The following SENP7 variants were observed in gnomAD, a reference collection of about 807,000 sequenced individuals.
SENP7 encodes SUMO specific peptidase 7.
SENP7 carries 64 observed loss-of-function variants against 141.2 expected under a neutral mutation model. The ratio of observed to expected loss-of-function variants is 0.45; its 90% CI spans 0.37 to 0.56. The LOEUF is 0.56. SENP7 is among the 20% of genes least tolerant of loss of function. The pLI is 0.00. For synonymous variants in SENP7, 382 were observed against 426.4 expected, an observed-to-expected ratio of 0.90 and a Z score of 1.28; for missense variants, 1,025 against 1,212.2, an observed-to-expected ratio of 0.85 and a Z score of 2.29.
intron 4 of SENP7, among the ~76,000 whole-genome samples, chr3:101,433,118 A>T (rs1192272113): frequency 6.6e-6 from 1 of 152,190 alleles, no homozygotes; most frequent in Non-Finnish European, 1.5e-5. Context: ...AAGCAGGGAG[A>T]CAAAGTTAAG....
chr3:101,328,814 C>T, intron 20 of SENP7, 125 bp from the exon 21 acceptor site: 1 of 699,276 alleles, frequency 1.4e-6, no homozygotes. Context: ...TCTTCATCAT[C>T]AAAAGTGAGC....
intron 4 of SENP7, among the ~76,000 whole-genome samples, chr3:101,418,156 T>A (rs770986266): frequency 3.9e-5 from 6 of 152,228 alleles, no homozygotes; most frequent in Non-Finnish European, 8.8e-5. Flanking sequence ...AATGTGTTTT[T>A]GTTTTAGCAT....
chr3:101,395,366 T>G (rs1281203792), intron 6 of SENP7, among the ~76,000 whole-genome samples: 1 of 152,198 alleles, frequency 6.6e-6, no homozygotes, highest in Admixed American at 6.5e-5. Context: ...CTTCTGCATA[T>G]TTTCCCAGGA....
Position 101,364,969 on chromosome 3 carries a change from T to G in SENP7, c.1341A>C (p.Glu447Asp). The part of the protein sequence containing the change: ...AEPIVVSSDE[E>D]GPVEHKSSEI... The stretch of plus-strand genomic sequence containing the variant: ...CTGAACTTTTATGTTCAACAGGTCC[T>G]TCTTCATCACTGGAAACAACAACTA... The change falls in exon 10 of 24, where the codon GAA becomes GAC. Residue 447 changes from glutamate to aspartate, a missense_variant. This residue lies in a region of SENP7 where 6 missense variants were observed against 21.1 expected (regional missense o/e 0.28). Coordinates refer to ENST00000394095, the MANE Select transcript of SENP7 (RefSeq NM_020654.5). The G allele has an allele frequency of 6.4e-7, 1 of 1,564,772 alleles. No homozygotes were observed. The highest frequency in any genetic ancestry group is 8.6e-7 in the Non-Finnish European group (1 of 1,158,242).
Position 101,366,726 on chromosome 3 carries a change from T to C in SENP7, c.1022A>G (p.Lys341Arg), listed in dbSNP as rs927330461. ...ATCCTGATGATAGTTTTCACTTGGC[T>C]TTTCAAACTCAGTGGATATTGTTGA... The part of the protein sequence containing the change: ...DDSTISTEFE[K>R]PSENYHQDPK... The change falls in exon 9 of 24, where the codon AAG becomes AGG. Residue 341 changes from lysine to arginine, a missense_variant. Physicochemically the swap from Lys to Arg is conservative, Grantham distance 26. Around this residue, in one of 4 missense-constraint regions of SENP7, gnomAD observed 496 missense variants for 503.5 expected, o/e 0.99. Transcript: ENST00000394095. The C allele has an allele frequency of 1.9e-5, 30 of 1,610,782 alleles. No individual in the cohort carries two copies. The highest frequency in any genetic ancestry group is 2.5e-5 in the Non-Finnish European group (29 of 1,178,330).
chr3:101,404,008 A>C (rs995081191), intron 5 of SENP7, among the ~76,000 whole-genome samples: 1 of 152,220 alleles, frequency 6.6e-6, no homozygotes, highest in Admixed American at 6.5e-5. Flanking sequence ...AGCAATTTAC[A>C]GATTCAATGC....
chr3:101,508,541 G>C (rs1317297824), intron 1 of SENP7, among the ~76,000 whole-genome samples: 1 of 152,176 alleles, frequency 6.6e-6, no homozygotes, highest in Non-Finnish European at 1.5e-5. Context: ...GGAGCTTGCA[G>C]TGAGCCGAGA....
intron 4 of SENP7, among the ~76,000 whole-genome samples, chr3:101,430,988 G>A (rs1351973112): frequency 1.3e-5 from 2 of 152,214 alleles, no homozygotes; most frequent in African/African-American, 4.8e-5. Flanking sequence ...TAGTTGTGCA[G>A]TATGAGCGGG....
intron 5 of SENP7, among the ~76,000 whole-genome samples, chr3:101,407,386 A>C (rs566019766): frequency 6.6e-6 from 1 of 152,316 alleles, no homozygotes; most frequent in Non-Finnish European, 1.5e-5. Flanking sequence ...ATCAAGACAG[A>C]AAGTCAACAA....
chr3:101,449,766 T>C (rs1464494141), intron 4 of SENP7, among the ~76,000 whole-genome samples: 2 of 152,132 alleles, frequency 1.3e-5, no homozygotes, highest in African/African-American at 4.8e-5. Flanking sequence ...TGCAAAAACA[T>C]GCCAAATTAT....
intron 4 of SENP7, among the ~76,000 whole-genome samples, chr3:101,446,737 A>G (rs1295965495): frequency 1.3e-5 from 2 of 152,176 alleles, no homozygotes; most frequent in Non-Finnish European, 2.9e-5. Flanking sequence ...ACAGAAACAC[A>G]ACATACCAAA....
rs199987414 is a variant in SENP7 at position 101,394,516 on chromosome 3, A to ATT, written c.677+4343_677+4344dup. ...TCTATTTTTATGTTTCTTTTTAAAA[A>ATT]TTTTTTTTTTTTTTGAGACGGAGTC... On this transcript the variant is annotated intron_variant, in intron 6 of 23. Coordinates refer to ENST00000394095, the MANE Select transcript of SENP7 (RefSeq NM_020654.5). Among the ~76,000 whole-genome samples, 305 of 138,490 alleles carry ATT rather than the reference A, an allele frequency of 2.2e-3. 1 individual carries two copies. The highest frequency in any genetic ancestry group is 4.0e-3 in the African/African-American group (158 of 39,508). The allele number at this position is 138,490 out of a possible 152,430, so 90.9% of individuals were successfully genotyped here.
Position 101,374,084 on chromosome 3 carries a change from G to A in SENP7, c.678-1958C>T, listed in dbSNP as rs181211566. On this transcript the variant is annotated intron_variant, in intron 6 of 23. Coordinates refer to ENST00000394095, the MANE Select transcript of SENP7 (RefSeq NM_020654.5). Reference sequence around the variant, plus strand: ...AATTATAAAAATGTATTAAAATAGCGTGGTACTAGAATAAAGAGAGACATA... The same window carrying A: ...AATTATAAAAATGTATTAAAATAGCATGGTACTAGAATAAAGAGAGACATA... Among the ~76,000 whole-genome samples, 551 of 152,162 alleles carry A rather than the reference G, an allele frequency of 3.6e-3. 1 individual carries two copies. The highest frequency in any genetic ancestry group is 6.8e-3 in the South Asian group (33 of 4,824).
intron 4 of SENP7, among the ~76,000 whole-genome samples, chr3:101,440,789 C>T (rs66715000): frequency 0.4 from 60,295 of 151,696 alleles, 12,487 homozygotes; most frequent in Admixed American, 0.54. Flanking sequence ...AATCCAGCAA[C>T]GTATTAAGAA....
At chr3:101,374,469 C>T (rs2060264043) in intron 6 of SENP7, among the ~76,000 whole-genome samples, 1 of 152,106 alleles carries the variant, frequency 6.6e-6, no homozygotes. Context: ...AAATTGAAAA[C>T]TTATGGCTGG....
At chr3:101,358,090 A>C in intron 11 of SENP7, 1 of 593,916 alleles carries the variant, frequency 1.7e-6, no homozygotes, top group Non-Finnish European at 2.7e-6. Flanking sequence ...GAAACTCTAC[A>C]AATGTGAAGA....
At position 101,372,022 on chromosome 3, in the gene SENP7, T is replaced by C. The variant is rs775229337; in HGVS notation, c.782A>G (p.Asp261Gly). 38 of 1,529,842 alleles carry C rather than the reference T, an allele frequency of 2.5e-5. No individual in the cohort carries two copies. Among genetic ancestry groups the C allele is most frequent in the Non-Finnish European group, 3.3e-5 (37 of 1,123,732 alleles). The allele number at this position is 1,529,842 out of a possible 1,614,324, so 94.8% of individuals were successfully genotyped here. A position where few individuals can be genotyped will look rare whatever the true frequency, so the allele number is the denominator to read the frequency against. ...KDDGISLLIS[D>G]TQPEDLNSGS... is the part of the protein sequence containing the mutation. ...GGTTCACAAACCTTCAGGCTGAGTA[T>C]CAGATATTAAAAGAGAAATGCCATC... Residue 261 changes from aspartate (D) to glycine (G), a missense_variant, in exon 7 of 24, where the codon GAT (aspartate) becomes GGT (glycine). Physicochemically the swap from Asp to Gly is moderately conservative, Grantham distance 94 (BLOSUM62 -1). This residue lies in a region of SENP7 where 496 missense variants were observed against 503.5 expected (regional missense o/e 0.99). Coordinates refer to ENST00000394095, the MANE Select transcript of SENP7 (RefSeq NM_020654.5).
chr3:101,446,163 C>T (rs1422107020), intron 4 of SENP7, among the ~76,000 whole-genome samples: 2 of 152,138 alleles, frequency 1.3e-5, no homozygotes, highest in African/African-American at 4.8e-5. Flanking sequence ...TCTCCTGCTC[C>T]AGCCATGTAC....
intron 6 of SENP7, among the ~76,000 whole-genome samples, chr3:101,380,445 C>CGACA (rs1553707804): frequency 7.8e-6 from 1 of 128,826 alleles, no homozygotes; most frequent in African/African-American, 2.8e-5. Context: ...GCCCCCCCCC[C>CGACA]CACACACACA....
Sources: allele counts gnomAD v4.1 joint callset (sites outside exome capture counted in the v4.1 genomes callset), GRCh38; gene constraint gnomAD v4.1.1; regional missense constraint gnomAD v4.1.1; transcripts MANE v1.5; gene names NCBI Gene and HGNC (gene_info 2026-07-23, HGNC 2026-07-21).